The following CTNNA3 variants were observed in gnomAD, a reference collection of about 807,000 sequenced individuals.
CTNNA3 encodes catenin alpha 3, also known as catenin alpha-3.
In CTNNA3, 76 loss-of-function variants were observed where a neutral mutation model predicts 95.7. The ratio of observed to expected loss-of-function variants is 0.79; its 90% confidence interval spans 0.66 to 0.96. CTNNA3 has a LOEUF of 0.96. Ranked by LOEUF, CTNNA3 falls within the 40% of genes least tolerant of loss-of-function variation. CTNNA3 has a pLI of 0.00. For missense variants in CTNNA3, 1,191 were observed against 1,089.8 expected, an observed-to-expected ratio of 1.09 and a Z score of -1.31; for synonymous variants, 431 against 374.4, an observed-to-expected ratio of 1.15 and a Z score of -1.74.
chr10:67,094,569 G>A (rs1180450240), intron 7 of CTNNA3, among the ~76,000 whole-genome samples: 1 of 151,594 alleles, frequency 6.6e-6, no homozygotes, highest in Non-Finnish European at 1.5e-5. Flanking sequence ...GTCAAGCATG[G>A]TGCCTCATAT....
At chr10:67,229,551 T>C (rs1364161996) in intron 5 of CTNNA3, among the ~76,000 whole-genome samples, 1 of 152,156 alleles carries the variant, frequency 6.6e-6, no homozygotes, top group Non-Finnish European at 1.5e-5. Flanking sequence ...GATGATATGA[T>C]CGTTTACCTT....
intron 15 of CTNNA3, among the ~76,000 whole-genome samples, chr10:66,000,020 A>G (rs1401603068): frequency 6.6e-6 from 1 of 152,060 alleles, no homozygotes; most frequent in East Asian, 1.9e-4. Flanking sequence ...ATTTTTATAC[A>G]TACTTCAAAA....
chr10:66,121,777 G>A (rs1287704361), intron 13 of CTNNA3, among the ~76,000 whole-genome samples: 6 of 152,086 alleles, frequency 3.9e-5, no homozygotes, highest in Admixed American at 2.6e-4. Context: ...GGAAAAAGAG[G>A]TTGCAGTAAG....
At chr10:67,131,857 C>G (rs73258495) in intron 7 of CTNNA3, among the ~76,000 whole-genome samples, 50,200 of 151,842 alleles carry the variant, frequency 0.33, 10,529 homozygotes, top group African/African-American at 0.6. Flanking sequence ...GAGAAGGAAG[C>G]CTAGATCACA....
chr10:65,955,063 T>C (rs2077700399), intron 17 of CTNNA3, among the ~76,000 whole-genome samples: 1 of 152,180 alleles, frequency 6.6e-6, no homozygotes, highest in African/African-American at 2.4e-5. Context: ...TTTATTTCAT[T>C]GAGCAGTGGT....
intron 7 of CTNNA3, among the ~76,000 whole-genome samples, chr10:67,161,685 C>T (rs1417583037): frequency 2.0e-5 from 3 of 151,936 alleles, no homozygotes; most frequent in Non-Finnish European, 4.4e-5. Flanking sequence ...ATCCTTACCA[C>T]ATCAATAATT....
intron 7 of CTNNA3, among the ~76,000 whole-genome samples, chr10:66,787,729 T>C (rs1041410565): frequency 2.0e-5 from 3 of 152,202 alleles, no homozygotes; most frequent in Non-Finnish European, 2.9e-5. Flanking sequence ...ACCAGCAAGA[T>C]TTAAAATGAA....
At chr10:66,093,077 A>G (rs915788299) in intron 14 of CTNNA3, among the ~76,000 whole-genome samples, 1 of 151,984 alleles carries the variant, frequency 6.6e-6, no homozygotes, top group Non-Finnish European at 1.5e-5. Flanking sequence ...GAGCATATTA[A>G]GATATTTGGT....
At chr10:66,881,716 T>C (rs962030509) in intron 7 of CTNNA3, among the ~76,000 whole-genome samples, 4 of 152,016 alleles carry the variant, frequency 2.6e-5, no homozygotes, top group African/African-American at 9.7e-5. Flanking sequence ...GAGAAGATGC[T>C]CACAAAGCCT....
intron 13 of CTNNA3, among the ~76,000 whole-genome samples, chr10:66,216,953 A>G (rs1289528898): frequency 6.6e-6 from 1 of 152,144 alleles, no homozygotes; most frequent in Non-Finnish European, 1.5e-5. Context: ...GATCTCCCTC[A>G]TATTACCCTT....
At chr10:65,934,778 G>A (rs2077309418) in intron 17 of CTNNA3, among the ~76,000 whole-genome samples, 1 of 152,066 alleles carries the variant, frequency 6.6e-6, no homozygotes, top group Non-Finnish European at 1.5e-5. Flanking sequence ...CCAAAGGAAA[G>A]CCCCTTTAAT....
intron 7 of CTNNA3, among the ~76,000 whole-genome samples, chr10:66,943,263 C>T (rs1476377879): frequency 6.6e-6 from 1 of 152,044 alleles, no homozygotes; most frequent in African/African-American, 2.4e-5. Flanking sequence ...TAGCATAAAC[C>T]TCATAGAGCT....
intron 5 of CTNNA3, among the ~76,000 whole-genome samples, chr10:67,489,039 T>C (rs1473116657): frequency 1.3e-5 from 2 of 152,130 alleles, no homozygotes; most frequent in African/African-American, 4.8e-5. Flanking sequence ...CCCAGATGGA[T>C]CAGCTGATTT....
intron 1 of CTNNA3, among the ~76,000 whole-genome samples, chr10:67,752,985 T>C (rs1589589667): frequency 6.6e-6 from 1 of 152,124 alleles, no homozygotes; most frequent in South Asian, 2.1e-4. Flanking sequence ...AAAATTCTTA[T>C]GGAACCAAAA....
chr10:66,173,001 T>A, intron 13 of CTNNA3, among the ~76,000 whole-genome samples: 1 of 152,080 alleles, frequency 6.6e-6, no homozygotes, highest in East Asian at 1.9e-4. Flanking sequence ...ACTGACCCAG[T>A]GGAGCCTGAG....
At chr10:67,561,722 C>A (rs1841515698) in intron 3 of CTNNA3, among the ~76,000 whole-genome samples, 1 of 151,790 alleles carries the variant, frequency 6.6e-6, no homozygotes, top group African/African-American at 2.4e-5. Flanking sequence ...AAAGGATCAA[C>A]AAAATTGATA....
chr10:67,395,828 C>G (rs1752465710), intron 5 of CTNNA3, among the ~76,000 whole-genome samples: 1 of 152,086 alleles, frequency 6.6e-6, no homozygotes, highest in Non-Finnish European at 1.5e-5. Context: ...GAATTATTTC[C>G]CTACTTTACA....
chr10:66,627,618 T>C (rs1447765209), intron 9 of CTNNA3, among the ~76,000 whole-genome samples: 2 of 152,144 alleles, frequency 1.3e-5, no homozygotes, highest in Non-Finnish European at 2.9e-5. Flanking sequence ...TGAAAGCTGG[T>C]AATGTATAAC....
At chr10:67,376,628 TC>T (rs1843700052) in intron 5 of CTNNA3, among the ~76,000 whole-genome samples, 1 of 152,198 alleles carries the variant, frequency 6.6e-6, no homozygotes, top group South Asian at 2.1e-4. Flanking sequence ...GTTCACACAT[TC>T]AGCTTTATGT....
Sources: gnomAD v4.1 joint callset for allele counts (sites outside exome capture counted in the v4.1 genomes callset) on GRCh38, gnomAD v4.1.1 for gene constraint, MANE v1.5 for transcripts, NCBI Gene and HGNC (gene_info 2026-07-23, HGNC 2026-07-21) for gene names.